Variants in SGCD observed in about 807,000 individuals in gnomAD.
The protein encoded by SGCD is delta-sarcoglycan.
A neutral mutation model predicts 36.6 loss-of-function variants in SGCD; 18 were observed. The ratio of observed to expected loss-of-function variants is 0.49; its 90% CI spans 0.34 to 0.73. The LOEUF is 0.73. SGCD is among the 30% of genes least tolerant of loss of function. The pLI is 0.01. For synonymous variants in SGCD, 133 were observed against 130.6 expected, an observed-to-expected ratio of 1.02 and a Z score of -0.12; for missense variants, 387 against 346.7, an observed-to-expected ratio of 1.12 and a Z score of -0.92.
chr5:155,830,990 T>A, the SGCD span, among the ~76,000 whole-genome samples: 3 of 152,242 alleles, frequency 2.0e-5, no homozygotes, highest in African/African-American at 7.2e-5. Context: ...TTGTTACGTG[T>A]TAGATGCTCT....
intron 6 of SGCD, among the ~76,000 whole-genome samples, chr5:156,616,975 A>G (rs1448459463): frequency 1.3e-5 from 2 of 152,076 alleles, no homozygotes; most frequent in African/African-American, 4.8e-5. Flanking sequence ...GCCCTTTACA[A>G]AAAAAAAGTT....
At chr5:156,069,439 T>C (rs867285954) in intron 1 of SGCD, among the ~76,000 whole-genome samples, 2 of 152,094 alleles carry the variant, frequency 1.3e-5, no homozygotes, top group Non-Finnish European at 2.9e-5. Context: ...GTTGTAGATA[T>C]GTGGCGTTAT....
At chr5:156,132,545 T>A (rs1447849630) in intron 3 of SGCD, among the ~76,000 whole-genome samples, 3 of 132,866 alleles carry the variant, frequency 2.3e-5, no homozygotes, top group Non-Finnish European at 4.7e-5. Context: ...CCCGGCTCAC[T>A]GCAAGCTCCG....
chr5:156,426,698 T>C (rs948178061), intron 3 of SGCD, among the ~76,000 whole-genome samples: 2 of 152,164 alleles, frequency 1.3e-5, no homozygotes, highest in Non-Finnish European at 2.9e-5. Flanking sequence ...GTTTCAGCTC[T>C]TAGATTTAAG....
At chr5:156,403,356 G>A (rs887597952) in intron 3 of SGCD, among the ~76,000 whole-genome samples, 6 of 152,124 alleles carry the variant, frequency 3.9e-5, no homozygotes, top group Admixed American at 6.6e-5. Context: ...GAGAACTCGC[G>A]GTCTATTAAG....
chr5:156,054,735 C>G (rs926052578), intron 1 of SGCD, among the ~76,000 whole-genome samples: 1 of 146,656 alleles, frequency 6.8e-6, no homozygotes, highest in African/African-American at 2.5e-5. Context: ...TTTTCTCTTT[C>G]CTAAACTTGA....
intron 4 of SGCD, 74 bp downstream of exon 4, chr5:156,508,776 C>A: frequency 1.2e-6 from 1 of 842,824 alleles, no homozygotes; most frequent in Admixed American, 2.4e-5. Flanking sequence ...ATCTTGCTAT[C>A]AGCTGAGTAC....
intron 3 of SGCD, among the ~76,000 whole-genome samples, chr5:156,452,059 G>T (rs748778294): frequency 2.6e-5 from 4 of 152,106 alleles, no homozygotes; most frequent in Admixed American, 1.3e-4. Context: ...GGCATGGCAG[G>T]CAATCCATTC....
chr5:156,187,730 G>C (rs949095849), intron 3 of SGCD, among the ~76,000 whole-genome samples: 2 of 152,046 alleles, frequency 1.3e-5, no homozygotes, highest in African/African-American at 4.8e-5. Context: ...CTAAGCTAAG[G>C]GAGAAAGGGT....
chr5:155,834,398 T>G, the SGCD span, among the ~76,000 whole-genome samples: 1 of 152,212 alleles, frequency 6.6e-6, no homozygotes, highest in Non-Finnish European at 1.5e-5. Flanking sequence ...GCTATATATG[T>G]TCATAACAAT....
chr5:156,441,340 T>C (rs559833672), intron 3 of SGCD, among the ~76,000 whole-genome samples: 1 of 150,464 alleles, frequency 6.6e-6, no homozygotes, highest in South Asian at 2.1e-4. Context: ...AATTAACATA[T>C]GTCTCATAAT....
intron 3 of SGCD, among the ~76,000 whole-genome samples, chr5:156,388,207 C>A (rs1429455492): frequency 6.6e-6 from 1 of 152,138 alleles, no homozygotes; most frequent in Non-Finnish European, 1.5e-5. Flanking sequence ...GATAGCCGGG[C>A]AAGGCAGCTA....
At chr5:156,369,854 C>T (rs1367867725) in intron 3 of SGCD, among the ~76,000 whole-genome samples, 1 of 152,004 alleles carries the variant, frequency 6.6e-6, no homozygotes, top group Non-Finnish European at 1.5e-5. Context: ...CAGAGAAATT[C>T]CAAATGGGGT....
chr5:156,389,008 A>G (rs764773450), intron 3 of SGCD, among the ~76,000 whole-genome samples: 4 of 152,208 alleles, frequency 2.6e-5, no homozygotes, highest in Admixed American at 2.0e-4. Flanking sequence ...GTACAATACA[A>G]TTCTTATCTA....
chr5:155,733,143 C>T, the SGCD span, among the ~76,000 whole-genome samples: 1 of 151,934 alleles, frequency 6.6e-6, no homozygotes, highest in South Asian at 2.1e-4. Flanking sequence ...GAGCCAGGGC[C>T]AATGTGTCAC....
chr5:155,803,252 C>T, the SGCD span, among the ~76,000 whole-genome samples: 32 of 152,122 alleles, frequency 2.1e-4, no homozygotes, highest in Non-Finnish European at 3.4e-4. Flanking sequence ...ATGGAAAAGC[C>T]GAAAGAGCAG....
chr5:155,779,604 C>T, the SGCD span, among the ~76,000 whole-genome samples: 2 of 152,078 alleles, frequency 1.3e-5, no homozygotes, highest in African/African-American at 4.8e-5. Flanking sequence ...TCTGTGTTGA[C>T]CATCCTGCAC....
the SGCD span, among the ~76,000 whole-genome samples, chr5:155,799,159 A>T: frequency 6.6e-6 from 1 of 152,202 alleles, no homozygotes; most frequent in South Asian, 2.1e-4. Flanking sequence ...GTAACAAATG[A>T]TTCACATATC....
At chr5:156,006,049 G>A (rs1304746705) in intron 1 of SGCD, among the ~76,000 whole-genome samples, 1 of 152,110 alleles carries the variant, frequency 6.6e-6, no homozygotes. Context: ...CATACCTCAG[G>A]TGAGTGTTGT....
Sources: allele counts gnomAD v4.1 joint callset (sites outside exome capture counted in the v4.1 genomes callset), GRCh38; gene constraint gnomAD v4.1.1; transcripts MANE v1.5; gene names NCBI Gene and HGNC (gene_info 2026-07-23, HGNC 2026-07-21).